Variants in H2AZ1 observed in about 807,000 individuals in gnomAD.
H2AZ1 encodes H2A.Z variant histone 1.
A neutral mutation model predicts 16.6 loss-of-function variants in H2AZ1; 3 were observed. The observed-to-expected ratio is 0.18, with a 90% CI of 0.08 to 0.47. The LOEUF (loss-of-function observed/expected upper bound fraction) is 0.47. Among genes scored for constraint, H2AZ1 ranks in the 20% least tolerant of loss-of-function variants. The pLI is 0.98. For synonymous variants in H2AZ1, 78 were observed against 60.7 expected (o/e 1.28, Z -1.32); for missense variants, 27 against 163.6 (o/e 0.17, Z 4.55).
At chr4:99,948,775 TGAA>T (rs2110233227) in intron 4 of H2AZ1, 33 bp downstream of exon 4, 1 of 1,573,046 alleles carries the variant, frequency 6.4e-7, no homozygotes, top group Non-Finnish European at 8.6e-7. Context: ...TTCCTTCCTC[TGAA>T]GAAATTTTTT....
chr4:99,949,235 C>G (rs780631013), intron 3 of H2AZ1, 38 bp downstream of exon 3: 37 of 1,287,350 alleles, frequency 2.9e-5, no homozygotes, highest in East Asian at 9.3e-5. Context: ...TCCCCGCCCC[C>G]CAAACCTTCT....
rs1727249263 is a variant in H2AZ1 at position 99,950,244 on chromosome 4, C to G, written c.-74G>C. On this transcript the variant is annotated 5_prime_UTR_variant, in exon 1 of 5. Transcript: ENST00000296417. ...CGGACCCACGGTGAGATCCCACCAC[C>G]TACTCCTTCGTCGCACCGCGATTCA... is the stretch of plus-strand genomic sequence containing the variant. 1 of 1,432,096 alleles carries G rather than the reference C, an allele frequency of 7.0e-7. No homozygotes were observed. Among genetic ancestry groups the G allele is most frequent in the Non-Finnish European group, 9.7e-7 (1 of 1,026,592 alleles). 88.7% of individuals were successfully genotyped at this position (1,432,096 alleles called of 1,614,324 possible).
intron 1 of H2AZ1, 42 bp downstream of exon 1, chr4:99,950,126 G>A (rs1727245641): frequency 1.6e-5 from 26 of 1,600,776 alleles, no homozygotes; most frequent in Non-Finnish European, 2.0e-5. Context: ...TCTCTCGCCG[G>A]CAAAAACCCG....
rs1727218103 is a variant in H2AZ1 at position 99,949,387 on chromosome 4, C to T, written c.82-1G>A. The T allele has an allele frequency of 6.3e-7, 1 of 1,576,790 alleles. No individual in the cohort carries two copies. ...GTCGATGAATACGGCCCACTGGGAA[C>T]TTAAATTTTAAGCATACACAAACAT... On this transcript the variant is annotated splice_acceptor_variant, in intron 2 of 4. Transcript: ENST00000296417. LOFTEE classifies it high-confidence loss of function.
At chr4:99,949,818 C>T in intron 1 of H2AZ1, 78 bp from the exon 2 acceptor site, 4 of 1,164,638 alleles carry the variant, frequency 3.4e-6, no homozygotes, top group South Asian at 2.9e-5. Context: ...CATCCCCCAC[C>T]GCGGCGCGTC....
At position 99,950,205 on chromosome 4, in the gene H2AZ1, G is replaced by A. The variant is rs748898430; in HGVS notation, c.-35C>T. On this transcript the variant is annotated 5_prime_UTR_variant, in exon 1 of 5. Transcript: ENST00000296417. The stretch of plus-strand genomic sequence containing the variant: ...CGCTGAAGCTCAAGCAAGCAAGGCA[G>A]AGAAAAGGCTAATCGGACCCACGGT... The A allele has an allele frequency of 1.9e-6, 3 of 1,604,546 alleles. No individual in the cohort carries two copies. Among genetic ancestry groups the A allele is most frequent in the South Asian group, 2.2e-5 (2 of 89,738 alleles).
chr4:99,949,397 A>G lies in H2AZ1; in HGVS notation c.82-11T>C. Reference sequence around the variant, plus strand: ...ACGGCCCACTGGGAACTTAAATTTTAAGCATACACAAACATAAATGCACAA... The same window carrying G: ...ACGGCCCACTGGGAACTTAAATTTTGAGCATACACAAACATAAATGCACAA... On this transcript the variant is annotated splice_polypyrimidine_tract_variant and intron_variant, in intron 2 of 4. Transcript: ENST00000296417. 2.0e-6 allele frequency: 3 copies of G among 1,491,682 alleles called. No homozygotes were observed. The highest frequency in any genetic ancestry group is 2.8e-6 in the Non-Finnish European group (3 of 1,068,576). 92.4% of individuals were successfully genotyped at this position (1,491,682 alleles called of 1,614,324 possible).
intron 4 of H2AZ1, 25 bp from the exon 5 acceptor site, chr4:99,948,548 C>G: frequency 1.9e-6 from 3 of 1,608,410 alleles, no homozygotes; most frequent in Non-Finnish European, 2.5e-6. Flanking sequence ...GGAATTAATT[C>G]TACTTAAGAT....
At chr4:99,949,044 CCTCA>C in intron 3 of H2AZ1, 104 bp from the exon 4 acceptor site, 3 of 778,726 alleles carry the variant, frequency 3.9e-6, no homozygotes, top group East Asian at 2.4e-5. Flanking sequence ...TGGAATCGTT[CCTCA>C]CTATCTGACT....
chr4:99,948,646 A>G, intron 4 of H2AZ1, 123 bp from the exon 5 acceptor site: 1 of 1,490,742 alleles, frequency 6.7e-7, no homozygotes, highest in Admixed American at 2.3e-5. Flanking sequence ...CTCAAGTATG[A>G]AGTAAAAATT....
intron 4 of H2AZ1, 74 bp from the exon 5 acceptor site, chr4:99,948,597 ATACT>A: frequency 1.3e-6 from 2 of 1,579,954 alleles, no homozygotes; most frequent in South Asian, 2.3e-5. Flanking sequence ...AAGAAAGTGT[ATACT>A]GTTCAACTTG....
chr4:99,949,211 TC>T, intron 3 of H2AZ1, 61 bp downstream of exon 3: 1 of 991,758 alleles, frequency 1.0e-6, no homozygotes, highest in Non-Finnish European at 1.6e-6. Context: ...CTTTCCTCCT[TC>T]CCTCTTGCCG....
At chr4:99,950,065 G>A (rs577918139) in intron 1 of H2AZ1, 103 bp downstream of exon 1, 2 of 1,101,380 alleles carry the variant, frequency 1.8e-6, no homozygotes, top group Admixed American at 1.9e-5. Flanking sequence ...CTGTCTCCGC[G>A]CGTTCCCAAC....
intron 3 of H2AZ1, 79 bp downstream of exon 3, chr4:99,949,194 T>C: frequency 7.1e-6 from 6 of 844,760 alleles, no homozygotes; most frequent in Admixed American, 2.4e-5. Flanking sequence ...GGAGTTTTCT[T>C]GCATCACTTT....
Position 99,950,116 on chromosome 4 carries a change from T to C in H2AZ1, c.3+52A>G, listed in dbSNP as rs1578248957. ...CCCATCCCTCTGTGTAACGGGTTTT[T>C]CTCTCGCCGGCAAAAACCCGCGGAG... On this transcript the variant is annotated intron_variant, in intron 1 of 4. Transcript: ENST00000296417. 16 of 1,596,618 alleles carry C rather than the reference T, an allele frequency of 1.0e-5. 1 individual carries two copies. In the East Asian group the frequency reaches 3.1e-4, roughly 31 times the overall value.
intron 1 of H2AZ1, chr4:99,949,957 C>A: frequency 4.1e-6 from 1 of 244,382 alleles, no homozygotes; most frequent in Non-Finnish European, 7.0e-6. Context: ...CGGCCCCCAG[C>A]GGCGCTGCGC....
At chr4:99,949,196 C>T (rs1232628880) in intron 3 of H2AZ1, 77 bp downstream of exon 3, 4 of 859,568 alleles carry the variant, frequency 4.7e-6, no homozygotes, top group Non-Finnish European at 7.5e-6. Context: ...AGTTTTCTTG[C>T]ATCACTTTCC....
Position 99,948,528 on chromosome 4 carries a change from G to T in H2AZ1, c.326-5C>A. 6.2e-7 allele frequency: 1 copy of T among 1,611,224 alleles called. No homozygotes were observed. Among genetic ancestry groups the T allele is most frequent in the South Asian group, 1.1e-5 (1 of 91,022 alleles). ...TGTGGATGTGTGGAATGACACCTAG[G>T]AGAGTGACAGGAATTAATTCTACTT... On this transcript the variant is annotated splice_region_variant and splice_polypyrimidine_tract_variant and intron_variant, in intron 4 of 4. Coordinates refer to ENST00000296417, the MANE Select transcript of H2AZ1 (RefSeq NM_002106.4).
chr4:99,949,130 G>A, intron 3 of H2AZ1, 143 bp downstream of exon 3: 2 of 659,384 alleles, frequency 3.0e-6, no homozygotes, highest in Non-Finnish European at 5.4e-6. Context: ...GATCCTTGTT[G>A]AACACCAGCT....
Sources: allele counts gnomAD v4.1 joint callset, GRCh38; gene constraint gnomAD v4.1.1; transcripts MANE v1.5; gene names NCBI Gene and HGNC (gene_info 2026-07-23, HGNC 2026-07-21).